TUBB4A: variants seen among roughly 807,000 people sequenced by gnomAD.
TUBB4A encodes tubulin beta-4A chain.
Under a neutral mutation model 35.1 loss-of-function variants are expected in TUBB4A, and 13 were observed. The observed-to-expected ratio is 0.37, with a 90% CI of 0.24 to 0.59. The LOEUF (loss-of-function observed/expected upper bound fraction) is 0.59. Ranked by LOEUF, TUBB4A falls within the 20% of genes least tolerant of loss-of-function variation. The pLI is 0.71. For synonymous variants in TUBB4A, 279 were observed against 272.4 expected (o/e 1.02, Z -0.24); for missense variants, 299 against 647.2 (o/e 0.46, Z 5.84).
At chr19:6,500,038 G>C (rs1471109960) in intron 3 of TUBB4A, among the ~76,000 whole-genome samples, 1 of 151,982 alleles carries the variant, frequency 6.6e-6, no homozygotes, top group Non-Finnish European at 1.5e-5. Flanking sequence ...TGATCCACCC[G>C]CCTCGGCCTC....
chr19:6,497,061 ATAT>A lies in TUBB4A; in HGVS notation c.278-843_278-841del, dbSNP rs1914278627. Among the ~76,000 whole-genome samples the A allele has an allele frequency of 1.0e-4, 10 of 100,184 alleles. 1 individual carries two copies. The South Asian group carries it at 1.2e-3, about 12-fold the overall frequency. The allele number at this position is 100,184 out of a possible 152,430, so 65.7% of individuals were successfully genotyped here. A position where few individuals can be genotyped will look rare whatever the true frequency, so the allele number is the denominator to read the frequency against. ...TATATATATATATATATATATATAT[ATAT>A]AAATTAGCCAGTCATGGTGGTGGCA... On this transcript the variant is annotated intron_variant, in intron 3 of 3. Coordinates refer to ENST00000264071, the MANE Select transcript of TUBB4A (RefSeq NM_006087.4).
Position 6,495,303 on chromosome 19 carries a change from G to A in TUBB4A, c.1196C>T (p.Thr399Met), listed in dbSNP as rs1233811169. 4 of 1,613,618 alleles carry A rather than the reference G, an allele frequency of 2.5e-6. No homozygotes were observed. Among genetic ancestry groups the A allele is most frequent in the African/African-American group, 1.3e-5 (1 of 74,918 alleles). ...CTCCATCTCGTCCATGCCCTCGCCC[G>A]TGTACCAGTGCAAGAAGGCCTTGCG... ...FRRKAFLHWYTGEGMDEMEFT... is the reference protein window; with the variant it reads ...FRRKAFLHWYMGEGMDEMEFT... The change falls in exon 4 of 4, where the codon ACG (threonine) becomes ATG (methionine). Residue 399 changes from threonine (T) to methionine (M), a missense_variant. Thr to Met is a moderately conservative substitution (Grantham distance 81). This residue lies in a region of TUBB4A where 125 missense variants were observed against 279.1 expected (regional missense o/e 0.45). Transcript: ENST00000264071. This position sits in a 1 kb window ranked among gnomAD's most constrained non-coding sequence, Gnocchi z 8.7.
Position 6,494,629 on chromosome 19 carries a change from A to G in TUBB4A, c.*535T>C. Reference sequence around the variant, plus strand: ...CAGGACTTGCAGGTGTAGAAGTAAAATGGGACTCATAGAGGGTGAAAGAGA... The same window carrying G: ...CAGGACTTGCAGGTGTAGAAGTAAAGTGGGACTCATAGAGGGTGAAAGAGA... On this transcript the variant is annotated 3_prime_UTR_variant, in exon 4 of 4. Coordinates refer to ENST00000264071, the MANE Select transcript of TUBB4A (RefSeq NM_006087.4). The G allele has an allele frequency of 6.1e-6, 1 of 163,952 alleles. No homozygotes were observed. Among genetic ancestry groups the G allele is most frequent in the South Asian group, 1.5e-4 (1 of 6,572 alleles). 10.2% of individuals were successfully genotyped at this position (163,952 alleles called of 1,614,324 possible). A position where few individuals can be genotyped will look rare whatever the true frequency, so the allele number is the denominator to read the frequency against.
In TUBB4A at chr19:6,501,371, G is replaced by A. The variant is rs1436414512; in HGVS notation, c.193C>T (p.Leu65=). ...ATGGTGCCGGGTTCCAGGTCCACCA[G>A]CACCGCTCTGGGGACATAATTTCCT... The part of the protein sequence containing the change: ...TGGNYVPRAV[L]VDLEPGTMDS... Residue 65 remains leucine (L), a synonymous_variant, in exon 3 of 4, where the codon CTG becomes TTG. Transcript: ENST00000264071. This position sits in a 1 kb window ranked among gnomAD's most constrained non-coding sequence, Gnocchi z 4.2. 3 of 1,614,108 alleles carry A rather than the reference G, an allele frequency of 1.9e-6. No homozygotes were observed. Among genetic ancestry groups the A allele is most frequent in the Non-Finnish European group, 2.5e-6 (3 of 1,179,956 alleles).
At position 6,495,293 on chromosome 19, in the gene TUBB4A, G is replaced by A. The variant is rs764126765; in HGVS notation, c.1206C>T (p.Gly402=). 1.2e-6 allele frequency: 2 copies of A among 1,613,746 alleles called. No individual in the cohort carries two copies. The highest frequency in any genetic ancestry group is 1.7e-6 in the Non-Finnish European group (2 of 1,179,888). ...KAFLHWYTGE[G]MDEMEFTEAE... is the part of the protein sequence containing the mutation. Reference sequence around the variant, plus strand: ...CCTCGGTGAACTCCATCTCGTCCATGCCCTCGCCCGTGTACCAGTGCAAGA... The same window carrying A: ...CCTCGGTGAACTCCATCTCGTCCATACCCTCGCCCGTGTACCAGTGCAAGA... The change falls in exon 4 of 4, where the codon GGC becomes GGT. Residue 402 remains glycine, a synonymous_variant. Transcript: ENST00000264071. The surrounding 1 kb of genome is among the most constrained non-coding windows in gnomAD (Gnocchi z 8.7).
At chr19:6,499,763 A>G (rs1013615337) in intron 3 of TUBB4A, among the ~76,000 whole-genome samples, 1 of 151,804 alleles carries the variant, frequency 6.6e-6, no homozygotes, top group African/African-American at 2.4e-5. Flanking sequence ...GCATTGTTCT[A>G]AACTCTACAC....
intron 3 of TUBB4A, among the ~76,000 whole-genome samples, chr19:6,496,632 AAAT>A (rs143972720): frequency 0.072 from 10,285 of 143,358 alleles, 492 homozygotes; most frequent in East Asian, 0.24. Flanking sequence ...CTCCGTCTCA[AAAT>A]AATAATAATA....
chr19:6,494,991 G>T lies in TUBB4A; in HGVS notation c.*173C>A. 1 of 751,158 alleles carries T rather than the reference G, an allele frequency of 1.3e-6. No individual in the cohort carries two copies. Among genetic ancestry groups the T allele is most frequent in the Non-Finnish European group, 2.1e-6 (1 of 468,686 alleles). The allele number at this position is 751,158 out of a possible 1,614,324, so 46.5% of individuals were successfully genotyped here. A position where few individuals can be genotyped will look rare whatever the true frequency, so the allele number is the denominator to read the frequency against. On this transcript the variant is annotated 3_prime_UTR_variant, in exon 4 of 4. Coordinates refer to ENST00000264071, the MANE Select transcript of TUBB4A (RefSeq NM_006087.4). ...AAGATAAATTAGGGCTCAAAGGGGAGCCAGGGTCGGAGATGAAGTAGCCAG... is the reference window on the plus strand; with the variant it reads ...AAGATAAATTAGGGCTCAAAGGGGATCCAGGGTCGGAGATGAAGTAGCCAG...
At chr19:6,502,395 G>A (rs890515683), upstream of TUBB4A, 2 of 635,608 alleles carry the variant, frequency 3.1e-6, no homozygotes, top group Non-Finnish European at 4.9e-6. Flanking sequence ...CCTTGGTCCC[G>A]CCCCGGGATG....
chr19:6,498,270 A>C (rs1295750885), intron 3 of TUBB4A, among the ~76,000 whole-genome samples: 3 of 151,966 alleles, frequency 2.0e-5, no homozygotes, highest in Admixed American at 6.6e-5. Context: ...TGAACAGCTA[A>C]CGTTTTCTTT....
chr19:6,496,292 C>A (rs1343345511), intron 3 of TUBB4A, 71 bp from the exon 4 acceptor site: 19 of 1,410,970 alleles, frequency 1.3e-5, no homozygotes, highest in Non-Finnish European at 1.8e-5. Flanking sequence ...GTCTCTCCAC[C>A]ACCTGGAGGG....
At chr19:6,502,532 A>C, upstream of TUBB4A, 1 of 335,452 alleles carries the variant, frequency 3.0e-6, no homozygotes, top group South Asian at 5.4e-5. Flanking sequence ...GGGAGCCACC[A>C]GTGCAGTCTC....
At position 6,501,961 on chromosome 19, in the gene TUBB4A, C is replaced by T. The variant is rs997435654; in HGVS notation, c.57+195G>A. On this transcript the variant is annotated intron_variant, in intron 1 of 3. Transcript: ENST00000264071. This position sits in a 1 kb window ranked among gnomAD's most constrained non-coding sequence, Gnocchi z 4.2. ...GGACAGAAGGCTGGCTCCCACTCTCCGCAGCCTCTTTGTTCCCAGTCTGGC... is the reference window on the plus strand; with the variant it reads ...GGACAGAAGGCTGGCTCCCACTCTCTGCAGCCTCTTTGTTCCCAGTCTGGC... Among the ~76,000 whole-genome samples, 4 of 152,190 alleles carry T rather than the reference C, an allele frequency of 2.6e-5. No homozygotes were observed. Among genetic ancestry groups the T allele is most frequent in the Non-Finnish European group, 5.9e-5 (4 of 68,024 alleles).
chr19:6,496,379 C>T (rs1190447842), intron 3 of TUBB4A, 158 bp from the exon 4 acceptor site: 8 of 729,136 alleles, frequency 1.1e-5, no homozygotes, highest in Non-Finnish European at 1.7e-5. Flanking sequence ...CCTGTAATCC[C>T]AGCACTTTGG....
Position 6,501,216 on chromosome 19 carries a change from G to T in TUBB4A, c.277+71C>A. On this transcript the variant is annotated intron_variant, in intron 3 of 3. Transcript: ENST00000264071. This position sits in a 1 kb window ranked among gnomAD's most constrained non-coding sequence, Gnocchi z 4.2. ...CTCTGGTCTGTGGGCCCCGGTGGTG[G>T]CTGTTGACTCTGTGGTGTTAGCAGG... 7.6e-7 allele frequency: 1 copy of T among 1,316,750 alleles called. No homozygotes were observed. The allele number at this position is 1,316,750 out of a possible 1,614,324, so 81.6% of individuals were successfully genotyped here.
chr19:6,502,314 C>T, upstream of TUBB4A: 1 of 1,319,396 alleles, frequency 7.6e-7, no homozygotes, highest in African/African-American at 1.6e-5. Flanking sequence ...GAGCACGGTC[C>T]CTGCGCCCCC....
chr19:6,500,745 G>GGA (rs1555755111), intron 3 of TUBB4A: 3 of 126,274 alleles, frequency 2.4e-5, no homozygotes, highest in Admixed American at 8.4e-5. Flanking sequence ...GACCCTGTCT[G>GGA]AAAAAAAAAA....
rs1914011820 is a variant in TUBB4A at position 6,494,439 on chromosome 19, CG to C, written c.*724del. 1 of 150,666 alleles carries C rather than the reference CG, an allele frequency of 6.6e-6. No homozygotes were observed. Among genetic ancestry groups the C allele is most frequent in the South Asian group, 2.1e-4 (1 of 4,768 alleles). The allele number at this position is 150,666 out of a possible 1,614,324, so 9.3% of individuals were successfully genotyped here. On this transcript the variant is annotated 3_prime_UTR_variant, in exon 4 of 4. Coordinates refer to ENST00000264071, the MANE Select transcript of TUBB4A (RefSeq NM_006087.4). Reference sequence around the variant, plus strand: ...GTTTCTCTCCCAGATAAGCTAAGGTCGGCAGGGGCTGAGGGGAGTGAGGCAG... The same window carrying C: ...GTTTCTCTCCCAGATAAGCTAAGGTCGCAGGGGCTGAGGGGAGTGAGGCAG...
chr19:6,497,711 A>G (rs1476568275), intron 3 of TUBB4A, among the ~76,000 whole-genome samples: 4 of 151,572 alleles, frequency 2.6e-5, no homozygotes, highest in Non-Finnish European at 5.9e-5. Context: ...AGGCGGGCAG[A>G]TTGCGAGGTT....
Sources: gnomAD v4.1 joint callset for allele counts (sites outside exome capture counted in the v4.1 genomes callset) on GRCh38, gnomAD v4.1.1 for gene constraint, gnomAD v4.1.1 regional missense constraint, Gnocchi (gnomAD v3.1) non-coding constraint, MANE v1.5 for transcripts, NCBI Gene and HGNC (gene_info 2026-07-23, HGNC 2026-07-21) for gene names.